The following NCOR2 variants were observed in gnomAD, a reference collection of about 807,000 sequenced individuals.
The protein encoded by NCOR2 is CTG repeat protein 26.
In NCOR2, 81 loss-of-function variants were observed where a neutral mutation model predicts 262.9. The ratio of observed to expected loss-of-function variants is 0.31; its 90% CI spans 0.26 to 0.37. The LOEUF (loss-of-function observed/expected upper bound fraction) is 0.37, where lower values mean the gene tolerates loss of function less well. Ranked by LOEUF, NCOR2 falls within the 10% of genes least tolerant of loss-of-function variation. The pLI is 1.00. For synonymous variants in NCOR2, 1,659 were observed against 1,559.3 expected (o/e 1.06, Z -1.51); for missense variants, 3,385 against 3,621.4 (o/e 0.93, Z 1.68).
At chr12:124,364,705 G>A (rs1348006020) in intron 20 of NCOR2, among the ~76,000 whole-genome samples, 1 of 152,156 alleles carries the variant, frequency 6.6e-6, no homozygotes, top group African/African-American at 2.4e-5. Flanking sequence ...ATCCCCATCT[G>A]GCTCCCCACT....
intron 28 of NCOR2, 142 bp downstream of exon 30, chr12:124,350,445 A>G (rs959019666): frequency 9.4e-7 from 1 of 1,069,326 alleles, no homozygotes; most frequent in Non-Finnish European, 1.3e-6. Flanking sequence ...GCTGGCTTGC[A>G]TACCTGCAGG....
chr12:124,357,124 G>A (rs1355227656), intron 22 of NCOR2, among the ~76,000 whole-genome samples: 1 of 152,356 alleles, frequency 6.6e-6, no homozygotes, highest in Admixed American at 6.5e-5. Flanking sequence ...CCAGGAGGTG[G>A]CAAATGGTAT....
In NCOR2 at chr12:124,336,520, G is replaced by A. The variant is rs1029261752; in HGVS notation, c.6115+233C>T. On this transcript the variant is annotated intron_variant, in intron 38 of 46. Coordinates refer to ENST00000405201, the Ensembl canonical transcript of NCOR2. Reference sequence around the variant, plus strand: ...CGCGTGCAAACCGGCGAGGACGGATGGGCTTCAAAACAAAATACCAAAACC... The same window carrying A: ...CGCGTGCAAACCGGCGAGGACGGATAGGCTTCAAAACAAAATACCAAAACC... The A allele has an allele frequency of 1.7e-5, 20 of 1,193,126 alleles. No individual in the cohort carries two copies. In the African/African-American group the frequency reaches 3.1e-4, roughly 18 times the overall value. 73.9% of individuals were successfully genotyped at this position (1,193,126 alleles called of 1,614,324 possible). A position where few individuals can be genotyped will look rare whatever the true frequency, so the allele number is the denominator to read the frequency against.
intron 9 of NCOR2, 147 bp from the exon 12 acceptor site, chr12:124,429,853 TC>T (rs2043817617): frequency 1.3e-6 from 1 of 745,464 alleles, no homozygotes; most frequent in Non-Finnish European, 2.2e-6. Flanking sequence ...ACACCCGGGG[TC>T]CTGGGGAGGC....
intron 12 of NCOR2, among the ~76,000 whole-genome samples, chr12:124,420,629 G>A (rs1409148379): frequency 6.6e-6 from 1 of 152,226 alleles, no homozygotes; most frequent in East Asian, 1.9e-4. Context: ...TTTCCATGTA[G>A]ATTGGGTCTG....
At chr12:124,442,657 T>C (rs2044882307) in intron 7 of NCOR2, among the ~76,000 whole-genome samples, 1 of 152,206 alleles carries the variant, frequency 6.6e-6, no homozygotes, top group African/African-American at 2.4e-5. Context: ...AAAATTGACT[T>C]TGGGGTTTGC....
intron 22 of NCOR2, among the ~76,000 whole-genome samples, chr12:124,360,703 A>C: frequency 3.7e-5 from 5 of 134,778 alleles, no homozygotes; most frequent in South Asian, 5.0e-4. Context: ...CTCCTCACAC[A>C]CCCCGAGCGT....
At chr12:124,344,854 G>A in exon 32 of NCOR2, 1 of 1,572,110 alleles carries the variant, frequency 6.4e-7, no homozygotes, top group East Asian at 2.3e-5. Flanking sequence ...CGGGTGCACG[G>A]GTGGGAACGT....
intron 9 of NCOR2, among the ~76,000 whole-genome samples, chr12:124,430,210 G>A (rs2136348052): frequency 6.6e-6 from 1 of 152,278 alleles, no homozygotes; most frequent in South Asian, 2.1e-4. Context: ...ACAGCTGCCT[G>A]TCACCAGGCA....
At position 124,566,713 on chromosome 12, in the gene NCOR2, C is replaced by T. The variant is rs752349101; in HGVS notation, c.-165+595G>A. On this transcript the variant is annotated intron_variant, in intron 1 of 32. Coordinates refer to the NCOR2 transcript ENST00000458234. The surrounding 1 kb of genome is among the most constrained non-coding windows in gnomAD (Gnocchi z 4.3). ...GGGAGGCAGGCCCAGACACCAGGAA[C>T]ACCGGCCCGCGGGGGAGGGGGACCA... Among the ~76,000 whole-genome samples, 21 of 152,218 alleles carry T rather than the reference C, an allele frequency of 1.4e-4. No homozygotes were observed. Among genetic ancestry groups the T allele is most frequent in the Non-Finnish European group, 2.8e-4 (19 of 68,026 alleles).
chr12:124,501,975 T>C (rs558589112), intron 1 of NCOR2, among the ~76,000 whole-genome samples: 2 of 152,206 alleles, frequency 1.3e-5, no homozygotes, highest in Admixed American at 6.5e-5. Context: ...CACAAGACGC[T>C]GCGGAGCGCC....
rs1488620026 is a variant in NCOR2, at chr12:124,495,040, G to A, written c.105+107C>T. On this transcript the variant is annotated intron_variant, in intron 1 of 46. Coordinates refer to ENST00000405201, the Ensembl canonical transcript of NCOR2. The surrounding 1 kb of genome is among the most constrained non-coding windows in gnomAD (Gnocchi z 4.4). ...CCTCCCCTCTGCCCTGGGAGGCTCAGAGCCACATGAGCCTGGCTCCCAGGA... is the reference window on the plus strand; with the variant it reads ...CCTCCCCTCTGCCCTGGGAGGCTCAAAGCCACATGAGCCTGGCTCCCAGGA... The A allele has an allele frequency of 1.3e-5, 19 of 1,412,246 alleles. No individual in the cohort carries two copies. The highest frequency in any genetic ancestry group is 1.8e-5 in the Non-Finnish European group (19 of 1,041,486). 87.5% of individuals were successfully genotyped at this position (1,412,246 alleles called of 1,614,324 possible).
At chr12:124,562,366 C>T (rs1265586864) in intron 1 of NCOR2, 3 of 152,210 alleles carry the variant, frequency 2.0e-5, no homozygotes, top group Non-Finnish European at 4.4e-5. Flanking sequence ...ATTTTCTTTC[C>T]CTCCCTTTTA....
chr12:124,407,313 G>A (rs924470226), intron 13 of NCOR2, among the ~76,000 whole-genome samples: 2 of 152,252 alleles, frequency 1.3e-5, no homozygotes, highest in East Asian at 3.9e-4. Flanking sequence ...TGATGCAGAT[G>A]AGGCAGCAAG....
At chr12:124,527,424 A>T (rs547643931) in intron 1 of NCOR2, among the ~76,000 whole-genome samples, 295 of 148,226 alleles carry the variant, frequency 2.0e-3, no homozygotes, top group East Asian at 7.2e-3. Context: ...TTTTTTATTT[A>T]TTTTTTTTTT....
Position 124,428,086 on chromosome 12 carries a change from T to TGTGTGTGTGTGTGTGTGC in NCOR2, c.1150-1287_1150-1286insGCACACACACACACACAC, listed in dbSNP as rs958627720. ...GTGTGTGTGTGTGTGTGTGTGTGTG[T>TGTGTGTGTGTGTGTGTGC]GTACATGCAACAATCAGCCCAGGTG... On this transcript the variant is annotated intron_variant, in intron 10 of 46. Coordinates refer to ENST00000405201, the Ensembl canonical transcript of NCOR2. Among the ~76,000 whole-genome samples, 270 of 147,158 alleles carry TGTGTGTGTGTGTGTGTGC rather than the reference T, an allele frequency of 1.8e-3. 9 individuals carry two copies. The highest frequency in any genetic ancestry group is 7.1e-3 in the Middle Eastern group (2 of 280).
At chr12:124,460,616 C>G (rs2046114942) in intron 5 of NCOR2, among the ~76,000 whole-genome samples, 2 of 152,230 alleles carry the variant, frequency 1.3e-5, no homozygotes, top group South Asian at 2.1e-4. Flanking sequence ...CCCTGTCTCC[C>G]TGCTCTCCAA....
intron 1 of NCOR2, among the ~76,000 whole-genome samples, chr12:124,528,556 C>CT (rs2050606681): frequency 1.3e-5 from 2 of 152,316 alleles, no homozygotes; most frequent in African/African-American, 2.4e-5. Context: ...AAGGAAGACC[C>CT]TTGGCAGAAC....
At chr12:124,557,561 A>T (rs2051923728) in intron 1 of NCOR2, among the ~76,000 whole-genome samples, 1 of 152,108 alleles carries the variant, frequency 6.6e-6, no homozygotes, top group Admixed American at 6.5e-5. Context: ...ATCCACAAAG[A>T]CCTTGTTTCC....
Sources: gnomAD v4.1 joint callset for allele counts (sites outside exome capture counted in the v4.1 genomes callset) on GRCh38, gnomAD v4.1.1 for gene constraint, Gnocchi (gnomAD v3.1) non-coding constraint, MANE v1.5 for transcripts, NCBI Gene and HGNC (gene_info 2026-07-23, HGNC 2026-07-21) for gene names.